The following ATRN variants were observed in gnomAD, a reference collection of about 807,000 sequenced individuals.
The protein encoded by ATRN is attractin-2.
ATRN carries 54 observed loss-of-function variants against 178.7 expected under a neutral mutation model. The observed-to-expected ratio is 0.30, with a 90% CI of 0.24 to 0.38. ATRN has a LOEUF of 0.38. ATRN is among the 10% of genes least tolerant of loss of function. The pLI is 1.00. For missense variants in ATRN, 1,443 were observed against 1,815.1 expected (o/e 0.79, Z 3.73); for synonymous variants, 636 against 663.0 (o/e 0.96, Z 0.63).
chr20:3,514,473 C>G (rs1416133504), intron 1 of ATRN, among the ~76,000 whole-genome samples: 2 of 152,108 alleles, frequency 1.3e-5, no homozygotes, highest in African/African-American at 4.8e-5. Context: ...TATTTGCAGA[C>G]TGTGTTTAGT....
chr20:3,492,708 A>T (rs2084812097), intron 1 of ATRN, among the ~76,000 whole-genome samples: 1 of 151,974 alleles, frequency 6.6e-6, no homozygotes, highest in African/African-American at 2.4e-5. Flanking sequence ...AAGCTATTTT[A>T]TCATTTCGGG....
chr20:3,504,201 G>A (rs968884948), intron 1 of ATRN, among the ~76,000 whole-genome samples: 56 of 152,132 alleles, frequency 3.7e-4, no homozygotes, highest in African/African-American at 1.3e-3. Flanking sequence ...TCAGGAACTA[G>A]AGGAAAATAG....
intron 11 of ATRN, among the ~76,000 whole-genome samples, chr20:3,565,795 T>TA (rs2086026113): frequency 4.4e-5 from 1 of 22,570 alleles, no homozygotes; most frequent in Non-Finnish European, 6.7e-5. Context: ...AGACTCTGTC[T>TA]CAAAAAAAAA....
chr20:3,560,674 A>G lies in ATRN; in HGVS notation c.1216A>G (p.Met406Val), dbSNP rs772208463. Residue 406 changes from methionine to valine, a missense_variant, in exon 8 of 29, where the codon ATG (methionine) becomes GTG (valine). By Grantham distance (21) the Met-to-Val change is conservative. Around this residue, in one of 4 missense-constraint regions of ATRN, gnomAD observed 862 missense variants for 972.1 expected, o/e 0.89. Coordinates refer to ENST00000262919, the MANE Select transcript of ATRN (RefSeq NM_139321.3). Reference protein sequence around the residue: ...SLALYKDKIYMYGGKIDSTGN... With the variant: ...SLALYKDKIYVYGGKIDSTGN... ...ATTTTTTTCCTAGGATAAAATTTAC[A>G]TGTATGGAGGAAAAATTGATTCAAC... is the stretch of plus-strand genomic sequence containing the variant. The G allele has an allele frequency of 1.2e-6, 2 of 1,609,970 alleles. No individual in the cohort carries two copies. The highest frequency in any genetic ancestry group is 2.2e-5 in the East Asian group (1 of 44,866).
intron 22 of ATRN, 126 bp from the exon 23 acceptor site, chr20:3,600,816 TGTGA>T (rs1600145715): frequency 5.7e-6 from 5 of 874,132 alleles, no homozygotes; most frequent in Middle Eastern, 3.7e-4. Flanking sequence ...CTAACTCTTC[TGTGA>T]GTTTCTCTAA....
In ATRN at chr20:3,582,263, A is replaced by C; in HGVS notation, c.2673A>C (p.Gly891=). 3 of 1,613,506 alleles carry C rather than the reference A, an allele frequency of 1.9e-6. No homozygotes were observed. The highest frequency in any genetic ancestry group is 2.5e-6 in the Non-Finnish European group (3 of 1,180,024). Residue 891 remains glycine, a synonymous_variant, in exon 16 of 29, where the codon GGA becomes GGC. Coordinates refer to ENST00000262919, the MANE Select transcript of ATRN (RefSeq NM_139321.3). ...QWMPSEPSDA[G]FCGILSEPST... Reference sequence around the variant, plus strand: ...TGCCGTCTGAGCCCAGTGATGCTGGATTCTGTGGAATTTTATCAGAACCCA... The same window carrying C: ...TGCCGTCTGAGCCCAGTGATGCTGGCTTCTGTGGAATTTTATCAGAACCCA...
intron 27 of ATRN, 114 bp downstream of exon 27, chr20:3,639,049 CTT>C (rs2087046939): frequency 1.4e-6 from 1 of 724,586 alleles, no homozygotes; most frequent in Non-Finnish European, 2.2e-6. Context: ...TTTTTCCTCT[CTT>C]TCTTTTTAAC....
intron 1 of ATRN, among the ~76,000 whole-genome samples, chr20:3,507,406 CA>C (rs375138925): frequency 1.9e-3 from 165 of 87,466 alleles, no homozygotes; most frequent in Admixed American, 2.2e-3. Context: ...AACTCCGTCT[CA>C]AAAAAAAAAA....
intron 1 of ATRN, among the ~76,000 whole-genome samples, chr20:3,529,458 T>C (rs927668942): frequency 1.3e-5 from 2 of 152,242 alleles, no homozygotes; most frequent in Admixed American, 1.3e-4. Flanking sequence ...AATAAACAAG[T>C]TGTGTATTTT....
chr20:3,634,815 G>A (rs2087014066), intron 26 of ATRN, among the ~76,000 whole-genome samples: 1 of 152,120 alleles, frequency 6.6e-6, no homozygotes, highest in Non-Finnish European at 1.5e-5. Context: ...CATTATTCAA[G>A]GAAAGATAAA....
At chr20:3,482,273 A>C (rs1287689474) in intron 1 of ATRN, among the ~76,000 whole-genome samples, 2 of 146,210 alleles carry the variant, frequency 1.4e-5, no homozygotes, top group African/African-American at 5.1e-5. Flanking sequence ...AGTTGTAGAC[A>C]AAAAAAAAAG....
intron 3 of ATRN, among the ~76,000 whole-genome samples, chr20:3,542,540 A>ACCCTTC (rs1018530685): frequency 2.0e-5 from 3 of 147,752 alleles, no homozygotes; most frequent in Admixed American, 2.0e-4. Flanking sequence ...ATCTAGAGGA[A>ACCCTTC]CCCTTCCCCT....
intron 24 of ATRN, among the ~76,000 whole-genome samples, chr20:3,620,370 C>A (rs923618175): frequency 6.6e-6 from 1 of 152,166 alleles, no homozygotes; most frequent in South Asian, 2.1e-4. Context: ...CCTCAGCCCC[C>A]CAAGTAGCTG....
At chr20:3,507,978 C>T (rs1314892998) in intron 1 of ATRN, among the ~76,000 whole-genome samples, 3 of 151,956 alleles carry the variant, frequency 2.0e-5, no homozygotes, top group Non-Finnish European at 4.4e-5. Flanking sequence ...GCTAGGATTA[C>T]AGACATGAGC....
intron 6 of ATRN, among the ~76,000 whole-genome samples, chr20:3,556,644 T>C (rs540224565): frequency 6.6e-6 from 1 of 152,338 alleles, no homozygotes; most frequent in South Asian, 2.1e-4. Context: ...TGCTTAGGTC[T>C]TAGAATTAGT....
At chr20:3,552,269 A>G (rs559455915) in intron 6 of ATRN, among the ~76,000 whole-genome samples, 1 of 152,224 alleles carries the variant, frequency 6.6e-6, no homozygotes. Flanking sequence ...TGGCCTTTAT[A>G]CTTGGTGACT....
chr20:3,599,376 C>G (rs2086574687), intron 22 of ATRN, among the ~76,000 whole-genome samples: 1 of 152,068 alleles, frequency 6.6e-6, no homozygotes, highest in African/African-American at 2.4e-5. Context: ...TACTTCTTAA[C>G]CAGGTGGGAA....
At chr20:3,555,050 G>T (rs2085852488) in intron 6 of ATRN, among the ~76,000 whole-genome samples, 1 of 128,746 alleles carries the variant, frequency 7.8e-6, no homozygotes, top group Non-Finnish European at 1.5e-5. Context: ...GCCCAGGCTG[G>T]AGTGCAGTGG....
intron 6 of ATRN, among the ~76,000 whole-genome samples, chr20:3,549,903 A>T (rs1289228929): frequency 6.6e-6 from 1 of 152,330 alleles, no homozygotes; most frequent in Middle Eastern, 3.4e-3. Flanking sequence ...AAAACCCAGC[A>T]TCTGTTCATT....
Sources: gnomAD v4.1 joint callset for allele counts (sites outside exome capture counted in the v4.1 genomes callset) on GRCh38, gnomAD v4.1.1 for gene constraint, gnomAD v4.1.1 regional missense constraint, MANE v1.5 for transcripts, NCBI Gene and HGNC (gene_info 2026-07-23, HGNC 2026-07-21) for gene names.